The following NFXL1 variants were observed in gnomAD, a reference collection of about 807,000 sequenced individuals.
The protein encoded by NFXL1 is NF-X1-type zinc finger protein NFXL1.
NFXL1 carries 66 observed loss-of-function variants against 123.3 expected under a neutral mutation model. The observed-to-expected ratio is 0.54, with a 90% CI of 0.44 to 0.66. The LOEUF (loss-of-function observed/expected upper bound fraction) is 0.66, where lower values mean the gene tolerates loss of function less well. NFXL1 is among the 30% of genes least tolerant of loss of function. NFXL1 has a pLI of 0.00. For missense variants in NFXL1, 944 were observed against 1,125.6 expected, an observed-to-expected ratio of 0.84 and a Z score of 2.31; for synonymous variants, 346 against 360.8, an observed-to-expected ratio of 0.96 and a Z score of 0.46.
intron 15 of NFXL1, among the ~76,000 whole-genome samples, chr4:47,880,807 T>TAAAAAAAAAAA (rs57880960): frequency 1.1e-4 from 9 of 78,828 alleles, no homozygotes; most frequent in East Asian, 4.0e-4. Flanking sequence ...AATTAATGAG[T>TAAAAAAAAAAA]AAAAAAAAAA....
At chr4:47,882,636 C>A (rs568670504) in intron 15 of NFXL1, among the ~76,000 whole-genome samples, 1 of 152,288 alleles carries the variant, frequency 6.6e-6, no homozygotes, top group East Asian at 1.9e-4. Flanking sequence ...CGGTACAAAT[C>A]TTATATTCTT....
chr4:47,863,145 G>A (rs1353352542), intron 18 of NFXL1, among the ~76,000 whole-genome samples: 3 of 151,898 alleles, frequency 2.0e-5, no homozygotes, highest in South Asian at 2.1e-4. Flanking sequence ...AAGTGTAATC[G>A]CTGCAAGAAG....
chr4:47,881,221 A>C (rs145379719), intron 15 of NFXL1, among the ~76,000 whole-genome samples: 32 of 152,244 alleles, frequency 2.1e-4, no homozygotes, highest in Admixed American at 2.1e-3. Context: ...AAAACAAAGA[A>C]ATGGTGTCTG....
At chr4:47,852,248 T>C (rs760636135) in intron 20 of NFXL1, 1 of 277,450 alleles carries the variant, frequency 3.6e-6, no homozygotes, top group Non-Finnish European at 6.8e-6. Flanking sequence ...TTGTTTGTTA[T>C]TCTTGCAAAG....
intron 14 of NFXL1, among the ~76,000 whole-genome samples, chr4:47,884,776 C>G (rs1401160981): frequency 6.6e-6 from 1 of 152,130 alleles, no homozygotes; most frequent in Non-Finnish European, 1.5e-5. Context: ...ATTTTACTCA[C>G]TGTTGTTCCT....
chr4:47,876,008 G>A (rs916866147), intron 17 of NFXL1, among the ~76,000 whole-genome samples: 1 of 151,942 alleles, frequency 6.6e-6, no homozygotes, highest in Non-Finnish European at 1.5e-5. Context: ...TAAAATAAGA[G>A]AGCTATAGAC....
chr4:47,895,244 C>A (rs962078486), intron 10 of NFXL1, among the ~76,000 whole-genome samples: 17 of 151,982 alleles, frequency 1.1e-4, no homozygotes, highest in African/African-American at 4.1e-4. Flanking sequence ...TTCAAAAGAT[C>A]CCTAGGATTT....
At chr4:47,908,510 TACTAACTA>T (rs10530792) in intron 3 of NFXL1, among the ~76,000 whole-genome samples, 1 of 151,576 alleles carries the variant, frequency 6.6e-6, no homozygotes, top group Non-Finnish European at 1.5e-5. Flanking sequence ...GATTCTGTCA[TACTAACTA>T]ACAGGCCTGA....
At chr4:47,852,440 T>G (rs1360944468) in intron 20 of NFXL1, among the ~76,000 whole-genome samples, 1 of 152,174 alleles carries the variant, frequency 6.6e-6, no homozygotes, top group African/African-American at 2.4e-5. Flanking sequence ...TGTTTTATGC[T>G]AATTCATTAC....
intron 4 of NFXL1, among the ~76,000 whole-genome samples, chr4:47,904,729 A>G (rs1737488859): frequency 6.6e-6 from 1 of 152,200 alleles, no homozygotes. Flanking sequence ...ATTTACACAT[A>G]TATATCTTTA....
At chr4:47,886,117 AACT>A (rs1219459653) in intron 12 of NFXL1, 118 bp from the exon 13 acceptor site, 12 of 875,408 alleles carry the variant, frequency 1.4e-5, no homozygotes, top group Admixed American at 8.1e-5. Flanking sequence ...AGAATGAAGA[AACT>A]ACAACAACAT....
In NFXL1 at chr4:47,874,510, T is replaced by C. The variant is rs531379852; in HGVS notation, c.2246+617A>G. On this transcript the variant is annotated intron_variant, in intron 18 of 22. Transcript: ENST00000507489. ...CACACAATATTTATCAATGATTCAC[T>C]GTCTCACAGAAGTGCAGTTCATGGC... is the stretch of plus-strand genomic sequence containing the variant. 3.9e-5 allele frequency among the ~76,000 whole-genome samples: 6 copies of C among 152,308 alleles called. No individual in the cohort carries two copies. The South Asian group carries it at 1.2e-3, about 32-fold the overall frequency.
chr4:47,914,213 GGA>G lies in NFXL1; in HGVS notation c.-2-10_-2-9del. On this transcript the variant is annotated splice_polypyrimidine_tract_variant and intron_variant, in intron 1 of 22. Coordinates refer to ENST00000507489, the MANE Select transcript of NFXL1 (RefSeq NM_001278624.2). ...GCCAGGAAGCTTCCATCCCTGCAAA[GGA>G]GAAAAAAAAAAAAAAGAGTGGAAGG... 1 of 1,440,052 alleles carries G rather than the reference GGA, an allele frequency of 6.9e-7. No homozygotes were observed. Among genetic ancestry groups the G allele is most frequent in the Non-Finnish European group, 9.1e-7 (1 of 1,095,644 alleles). 89.2% of individuals were successfully genotyped at this position (1,440,052 alleles called of 1,614,324 possible).
intron 19 of NFXL1, among the ~76,000 whole-genome samples, chr4:47,860,133 T>A (rs1206073530): frequency 6.6e-6 from 1 of 152,146 alleles, no homozygotes; most frequent in African/African-American, 2.4e-5. Flanking sequence ...ATTTTAAGTG[T>A]TCTCACCATA....
intron 12 of NFXL1, among the ~76,000 whole-genome samples, chr4:47,887,933 C>T (rs991481393): frequency 8.6e-5 from 13 of 151,802 alleles, no homozygotes; most frequent in East Asian, 1.9e-4. Context: ...AGGCATGATT[C>T]GGGTAGTTCT....
At chr4:47,853,645 A>G (rs991693547) in intron 20 of NFXL1, among the ~76,000 whole-genome samples, 9 of 152,128 alleles carry the variant, frequency 5.9e-5, no homozygotes, top group Admixed American at 4.6e-4. Context: ...TATTTTACAC[A>G]GGAAAAAAAT....
At chr4:47,885,105 A>AC (rs905773919) in intron 14 of NFXL1, among the ~76,000 whole-genome samples, 1 of 151,538 alleles carries the variant, frequency 6.6e-6, no homozygotes. Flanking sequence ...AGCCTGGGCA[A>AC]CAGAGTGAGA....
intron 9 of NFXL1, among the ~76,000 whole-genome samples, chr4:47,897,662 A>G (rs1737161159): frequency 6.6e-6 from 1 of 152,196 alleles, no homozygotes; most frequent in Non-Finnish European, 1.5e-5. Flanking sequence ...AGGTTTGGAC[A>G]AATGTATAAT....
chr4:47,913,481 G>C (rs1737945336), intron 2 of NFXL1, among the ~76,000 whole-genome samples: 1 of 152,216 alleles, frequency 6.6e-6, no homozygotes, highest in South Asian at 2.1e-4. Context: ...CCAGAAATGA[G>C]AGAGAATGTG....
Sources: gnomAD v4.1 joint callset for allele counts (sites outside exome capture counted in the v4.1 genomes callset) on GRCh38, gnomAD v4.1.1 for gene constraint, MANE v1.5 for transcripts, NCBI Gene and HGNC (gene_info 2026-07-23, HGNC 2026-07-21) for gene names.